IQCB1: variants seen among roughly 807,000 people sequenced by gnomAD.
IQCB1 encodes IQ motif containing B1.
A neutral mutation model predicts 84.4 loss-of-function variants in IQCB1; 56 were observed. The observed-to-expected ratio is 0.66, with a 90% CI of 0.54 to 0.83. The LOEUF (loss-of-function observed/expected upper bound fraction) is 0.83, where lower values mean the gene tolerates loss of function less well. Ranked by LOEUF, IQCB1 falls within the 40% of genes least tolerant of loss-of-function variation. The probability of loss-of-function intolerance (pLI) is 0.00; values close to 1 mark genes in which losing one functional copy is unlikely to be tolerated. For missense variants in IQCB1, 629 were observed against 682.1 expected (o/e 0.92, Z 0.87); for synonymous variants, 210 against 234.8 (o/e 0.89, Z 0.96).
intron 13 of IQCB1, among the ~76,000 whole-genome samples, chr3:121,780,107 C>T (rs774255643): frequency 6.6e-6 from 1 of 152,156 alleles, no homozygotes; most frequent in Admixed American, 6.5e-5. Context: ...CTTTGCAGCT[C>T]TCTTTACTCA....
At chr3:121,824,822 GAA>G (rs5852280) in intron 5 of IQCB1, among the ~76,000 whole-genome samples, 2 of 150,276 alleles carry the variant, frequency 1.3e-5, no homozygotes, top group South Asian at 2.1e-4. Context: ...CTGTAGACAA[GAA>G]AAAAAAAAGA....
intron 7 of IQCB1, among the ~76,000 whole-genome samples, chr3:121,800,292 T>A (rs1949355027): frequency 6.6e-6 from 1 of 151,948 alleles, no homozygotes; most frequent in Non-Finnish European, 1.5e-5. Context: ...AAATATCTTA[T>A]TTGTTCCCTC....
intron 8 of IQCB1, 142 bp downstream of exon 8, chr3:121,799,054 T>G: frequency 1.6e-6 from 1 of 621,906 alleles, no homozygotes; most frequent in East Asian, 2.8e-5. Flanking sequence ...ACTTTTTTTT[T>G]TCTGAATTGG....
Position 121,799,212 on chromosome 3 carries a change from T to C in IQCB1, c.750A>G (p.Gln250=), listed in dbSNP as rs765228708. The C allele has an allele frequency of 7.5e-6, 12 of 1,609,014 alleles. No homozygotes were observed. The South Asian group carries it at 1.1e-4, about 15-fold the overall frequency. Residue 250 remains glutamine (Q), a synonymous_variant, in exon 8 of 15, where the codon CAA becomes CAG. Transcript: ENST00000310864. ...ATGTACTACCTTTGTAGCAGGTACT[T>C]TGTCTCAGTAAAATCAAAATTTCCT... ...SHQEILILLR[Q]STCYKGLRRL... is the part of the protein sequence containing the mutation.
At chr3:121,792,041 G>A (rs1171198797) in intron 10 of IQCB1, among the ~76,000 whole-genome samples, 1 of 152,076 alleles carries the variant, frequency 6.6e-6, no homozygotes, top group Non-Finnish European at 1.5e-5. Context: ...AGCCAAGATC[G>A]TGCCACTGCA....
rs924983544 is a variant in IQCB1 at position 121,829,180 on chromosome 3, A to G, written c.-12-208T>C. On this transcript the variant is annotated intron_variant, in intron 2 of 14. Transcript: ENST00000310864. Reference sequence around the variant, plus strand: ...AGAGCTCAAGATTCCTATACCTCACATGTAACAGCTATAGCAGGTATTGTT... The same window carrying G: ...AGAGCTCAAGATTCCTATACCTCACGTGTAACAGCTATAGCAGGTATTGTT... Among the ~76,000 whole-genome samples the G allele has an allele frequency of 4.6e-5, 7 of 152,314 alleles. No homozygotes were observed. The South Asian group carries it at 1.4e-3, about 32-fold the overall frequency.
intron 5 of IQCB1, among the ~76,000 whole-genome samples, chr3:121,809,385 T>C (rs573065612): frequency 6.2e-4 from 94 of 152,210 alleles, no homozygotes; most frequent in African/African-American, 2.1e-3. Flanking sequence ...GCAGTCTGGA[T>C]ATCTGTACTT....
At chr3:121,801,172 C>T (rs1008425591) in intron 7 of IQCB1, among the ~76,000 whole-genome samples, 4 of 152,000 alleles carry the variant, frequency 2.6e-5, no homozygotes, top group African/African-American at 4.8e-5. Context: ...ACACTTCCTA[C>T]TAATCTCACT....
At chr3:121,776,027 T>C (rs1948210605) in intron 13 of IQCB1, among the ~76,000 whole-genome samples, 1 of 150,096 alleles carries the variant, frequency 6.7e-6, no homozygotes, top group Non-Finnish European at 1.5e-5. Context: ...AGCATAATTA[T>C]TTTGAGATTC....
At chr3:121,784,221 T>C (rs999288235) in intron 12 of IQCB1, among the ~76,000 whole-genome samples, 2 of 152,066 alleles carry the variant, frequency 1.3e-5, no homozygotes, top group African/African-American at 2.4e-5. Flanking sequence ...TTCTACCTTT[T>C]TTTCTTTTTC....
chr3:121,810,521 A>G (rs1949784642), intron 5 of IQCB1, among the ~76,000 whole-genome samples: 1 of 151,946 alleles, frequency 6.6e-6, no homozygotes, highest in African/African-American at 2.4e-5. Flanking sequence ...GATTCTATAA[A>G]TGAAAATAAT....
At chr3:121,804,898 CTT>C (rs1576584034) in intron 7 of IQCB1, among the ~76,000 whole-genome samples, 1 of 152,118 alleles carries the variant, frequency 6.6e-6, no homozygotes, top group East Asian at 1.9e-4. Context: ...TTTCTTTCCT[CTT>C]GTTTCTTCTT....
rs1948505191 is a variant in IQCB1 at position 121,781,766 on chromosome 3, C to T, written c.1387G>A (p.Asp463Asn). ...ARRVELKKRV[D>N]DYVRRHLGSP... ...ACCAAATGTCTTCTGACATAGTCAT[C>T]CACTCGTTTCTTCAGTTCAACTCGG... The change falls in exon 13 of 15, where the codon GAT becomes AAT. Residue 463 changes from aspartate to asparagine, a missense_variant. Coordinates refer to ENST00000310864, the MANE Select transcript of IQCB1 (RefSeq NM_001023570.4). 6.2e-7 allele frequency: 1 copy of T among 1,613,602 alleles called. No homozygotes were observed. Among genetic ancestry groups the T allele is most frequent in the South Asian group, 1.1e-5 (1 of 91,040 alleles).
intron 11 of IQCB1, among the ~76,000 whole-genome samples, chr3:121,788,952 G>A (rs1461140058): frequency 6.6e-6 from 1 of 152,138 alleles, no homozygotes; most frequent in Non-Finnish European, 1.5e-5. Flanking sequence ...GGGCGTATTT[G>A]GGGAAGTATA....
chr3:121,819,351 G>A (rs1950191051), intron 5 of IQCB1, among the ~76,000 whole-genome samples: 1 of 152,136 alleles, frequency 6.6e-6, no homozygotes, highest in South Asian at 2.1e-4. Flanking sequence ...AGAATCTAAT[G>A]TTACCGCTGA....
chr3:121,831,179 A>ATTCTTTTTTTT (rs747168136), intron 2 of IQCB1, among the ~76,000 whole-genome samples: 1 of 129,578 alleles, frequency 7.7e-6, no homozygotes, highest in South Asian at 2.5e-4. Flanking sequence ...GTATCCTAGT[A>ATTCTTTTTTTT]TTTTTTTTTG....
Position 121,807,329 on chromosome 3 carries a change from T to C in IQCB1, c.587+15A>G. 7.6e-7 allele frequency: 1 copy of C among 1,319,800 alleles called. No homozygotes were observed. Among genetic ancestry groups the C allele is most frequent in the Non-Finnish European group, 1.1e-6 (1 of 912,528 alleles). The allele number at this position is 1,319,800 out of a possible 1,614,324, so 81.8% of individuals were successfully genotyped here. A position where few individuals can be genotyped will look rare whatever the true frequency, so the allele number is the denominator to read the frequency against. On this transcript the variant is annotated intron_variant, in intron 7 of 14. Coordinates refer to ENST00000310864, the MANE Select transcript of IQCB1 (RefSeq NM_001023570.4). ...ATAAAAAAAAAGCAGTAACATTTTG[T>C]AAAAACCAAGTCACCTGTTGATCTG... is the stretch of plus-strand genomic sequence containing the variant.
Position 121,793,533 on chromosome 3 carries a change from A to T in IQCB1, c.986+1924T>A, listed in dbSNP as rs148037163. ...AAAGGAAGCAAGAGACATTTGCATG[A>T]ACTGTTACAACTAATAGAAGAGCGA... is the stretch of plus-strand genomic sequence containing the variant. On this transcript the variant is annotated intron_variant, in intron 10 of 14. Coordinates refer to ENST00000310864, the MANE Select transcript of IQCB1 (RefSeq NM_001023570.4). Among the ~76,000 whole-genome samples the T allele has an allele frequency of 2.3e-4, 35 of 152,356 alleles. No individual in the cohort carries two copies. The East Asian group carries it at 6.6e-3, about 29-fold the overall frequency.
intron 12 of IQCB1, among the ~76,000 whole-genome samples, chr3:121,785,819 C>T (rs902839033): frequency 6.6e-6 from 1 of 152,052 alleles, no homozygotes; most frequent in East Asian, 1.9e-4. Flanking sequence ...TAGCCAGCTA[C>T]GTATGCTTAA....
Sources: allele counts gnomAD v4.1 joint callset (sites outside exome capture counted in the v4.1 genomes callset), GRCh38; gene constraint gnomAD v4.1.1; transcripts MANE v1.5; gene names NCBI Gene and HGNC (gene_info 2026-07-23, HGNC 2026-07-21).